Variants in PGM5 observed in about 807,000 individuals in gnomAD.
PGM5 encodes the protein phosphoglucomutase 5.
PGM5 carries 23 observed loss-of-function variants against 59.2 expected under a neutral mutation model. The observed-to-expected ratio is 0.39, with a 90% CI of 0.28 to 0.55. The LOEUF is 0.55. Ranked by LOEUF, PGM5 falls within the 20% of genes least tolerant of loss-of-function variation. The pLI, the probability that PGM5 is intolerant of heterozygous loss-of-function variation, is 0.66. For missense variants in PGM5, 574 were observed against 748.3 expected (o/e 0.77, Z 2.72); for synonymous variants, 214 against 286.0 (o/e 0.75, Z 2.54).
chr9:68,499,440 G>A, intron 10 of PGM5, 79 bp downstream of exon 10: 1 of 1,423,472 alleles, frequency 7.0e-7, no homozygotes, highest in East Asian at 2.4e-5. Context: ...CCTTTAGTGG[G>A]GCTATTTTAC....
intron 2 of PGM5, among the ~76,000 whole-genome samples, chr9:68,379,812 T>G (rs1393652309): frequency 6.6e-6 from 1 of 152,016 alleles, no homozygotes; most frequent in African/African-American, 2.4e-5. Context: ...TATACTTATA[T>G]CAGATAAAAC....
At chr9:68,382,171 A>C (rs541017949) in intron 2 of PGM5, among the ~76,000 whole-genome samples, 1 of 151,968 alleles carries the variant, frequency 6.6e-6, no homozygotes, top group Non-Finnish European at 1.5e-5. Context: ...ATAAAAACAG[A>C]AACATAGACC....
At chr9:68,418,482 C>T (rs1587802237) in intron 6 of PGM5, among the ~76,000 whole-genome samples, 1 of 152,188 alleles carries the variant, frequency 6.6e-6, no homozygotes, top group South Asian at 2.1e-4. Context: ...GAGAGAAGTG[C>T]TTTGGAAATC....
intron 10 of PGM5, among the ~76,000 whole-genome samples, chr9:68,528,406 A>G (rs1180676403): frequency 6.6e-6 from 1 of 152,058 alleles, no homozygotes; most frequent in African/African-American, 2.4e-5. Flanking sequence ...CACTGCACTC[A>G]GCTAATTCTT....
chr9:68,387,685 A>C, intron 4 of PGM5, 97 bp downstream of exon 4: 1 of 1,155,850 alleles, frequency 8.7e-7, no homozygotes, highest in Non-Finnish European at 1.3e-6. Flanking sequence ...GGATTCATAG[A>C]TATTCACACA....
At chr9:68,423,224 C>T (rs1554682474) in intron 6 of PGM5, among the ~76,000 whole-genome samples, 1 of 151,910 alleles carries the variant, frequency 6.6e-6, no homozygotes, top group Non-Finnish European at 1.5e-5. Flanking sequence ...ACTTCTTTTC[C>T]TCTGAGTGGA....
chr9:68,391,795 T>G (rs1167603999), intron 5 of PGM5, 71 bp downstream of exon 5: 2 of 1,472,176 alleles, frequency 1.4e-6, no homozygotes, highest in African/African-American at 2.8e-5. Context: ...AAGCAGAGAA[T>G]TAATGAACAC....
chr9:68,393,058 C>A (rs1388576823), intron 6 of PGM5, among the ~76,000 whole-genome samples: 1 of 151,908 alleles, frequency 6.6e-6, no homozygotes, highest in Admixed American at 6.6e-5. Flanking sequence ...CTCTAACTAA[C>A]CCTATTAGGT....
At chr9:68,485,688 C>T (rs1554687492) in intron 9 of PGM5, among the ~76,000 whole-genome samples, 2 of 152,204 alleles carry the variant, frequency 1.3e-5, no homozygotes, top group African/African-American at 4.8e-5. Context: ...ACTCTTCTGT[C>T]TGAGCTCAAT....
chr9:68,410,244 A>G (rs425458), intron 6 of PGM5, among the ~76,000 whole-genome samples: 148,641 of 152,344 alleles, frequency 0.98, 72,639 homozygotes, highest in East Asian at 1. Context: ...CCAGGACTTA[A>G]TGATGTGGCC....
At chr9:68,430,547 T>G (rs1346757694) in intron 6 of PGM5, among the ~76,000 whole-genome samples, 1 of 152,260 alleles carries the variant, frequency 6.6e-6, no homozygotes, top group African/African-American at 2.4e-5. Context: ...TCCTCTTTCC[T>G]AATTTCATCC....
At chr9:68,445,052 A>G (rs1366863155) in intron 6 of PGM5, among the ~76,000 whole-genome samples, 1 of 152,176 alleles carries the variant, frequency 6.6e-6, no homozygotes, top group Non-Finnish European at 1.5e-5. Flanking sequence ...TTTTGTTACA[A>G]ATCTTAAGAA....
intron 1 of PGM5, among the ~76,000 whole-genome samples, chr9:68,373,824 C>T (rs1821804025): frequency 6.6e-6 from 1 of 152,220 alleles, no homozygotes; most frequent in South Asian, 2.1e-4. Context: ...GGGATGGGGA[C>T]CCAGTTTCCT....
chr9:68,502,683 T>TTGTG (rs1824597124), intron 10 of PGM5, among the ~76,000 whole-genome samples: 1 of 151,932 alleles, frequency 6.6e-6, no homozygotes, highest in Non-Finnish European at 1.5e-5. Flanking sequence ...AAGTATTTGT[T>TTGTG]TGTTTGTTTG....
chr9:68,401,751 C>A (rs1235652236), intron 6 of PGM5, among the ~76,000 whole-genome samples: 16 of 152,092 alleles, frequency 1.1e-4, no homozygotes, highest in Non-Finnish European at 2.4e-4. Context: ...CTCTTTTATT[C>A]CTTGTGACTT....
At chr9:68,527,180 T>C (rs1824994283) in intron 10 of PGM5, among the ~76,000 whole-genome samples, 1 of 152,358 alleles carries the variant, frequency 6.6e-6, no homozygotes, top group Admixed American at 6.5e-5. Context: ...CTTTTGCCAA[T>C]AGGTACCACC....
At chr9:68,424,491 A>G (rs1055525693) in intron 6 of PGM5, among the ~76,000 whole-genome samples, 1 of 152,140 alleles carries the variant, frequency 6.6e-6, no homozygotes, top group African/African-American at 2.4e-5. Context: ...TGCCCTTGGG[A>G]TCTAATCACC....
chr9:68,503,264 A>C (rs1188111102), intron 10 of PGM5, among the ~76,000 whole-genome samples: 6 of 152,262 alleles, frequency 3.9e-5, no homozygotes, highest in Non-Finnish European at 8.8e-5. Context: ...TTGAAAATGC[A>C]TTGAATACAC....
chr9:68,433,021 T>C (rs868986555), intron 6 of PGM5, among the ~76,000 whole-genome samples: 48 of 152,362 alleles, frequency 3.2e-4, no homozygotes, highest in African/African-American at 9.6e-4. Context: ...TTTTGCACTA[T>C]ATATACAATA....
Sources: gnomAD v4.1 joint callset for allele counts (sites outside exome capture counted in the v4.1 genomes callset) on GRCh38, gnomAD v4.1.1 for gene constraint, MANE v1.5 for transcripts, NCBI Gene and HGNC (gene_info 2026-07-23, HGNC 2026-07-21) for gene names.